The following NEO1 variants were observed in gnomAD, a reference collection of about 807,000 sequenced individuals.
NEO1 encodes the protein neogenin.
Under a neutral mutation model 159.7 loss-of-function variants are expected in NEO1, and 63 were observed. The ratio of observed to expected loss-of-function variants is 0.39; its 90% CI spans 0.32 to 0.49. The LOEUF (loss-of-function observed/expected upper bound fraction) is 0.49. Among genes scored for constraint, NEO1 ranks in the 20% least tolerant of loss-of-function variants. The pLI, the probability that NEO1 is intolerant of heterozygous loss-of-function variation, is 0.85. For missense variants in NEO1, 1,615 were observed against 1,831.0 expected (o/e 0.88, Z 2.15); for synonymous variants, 633 against 662.0 (o/e 0.96, Z 0.67).
intron 9 of NEO1, among the ~76,000 whole-genome samples, chr15:73,247,927 C>T (rs2039879838): frequency 6.6e-6 from 1 of 152,142 alleles, no homozygotes; most frequent in Admixed American, 6.5e-5. Context: ...CTTCCAGTCA[C>T]ATACATCCTA....
chr15:73,101,917 A>G (rs1038595967), intron 1 of NEO1, among the ~76,000 whole-genome samples: 2 of 151,902 alleles, frequency 1.3e-5, no homozygotes, highest in Admixed American at 6.5e-5. Flanking sequence ...TTATTTACCA[A>G]CCTATCTCTC....
chr15:73,069,329 A>G (rs1595904048), intron 1 of NEO1, among the ~76,000 whole-genome samples: 1 of 151,836 alleles, frequency 6.6e-6, no homozygotes, highest in Non-Finnish European at 1.5e-5. Context: ...GCAGTGCCAG[A>G]TTTTGGGAGC....
chr15:73,171,165 C>A (rs769777538), intron 5 of NEO1, among the ~76,000 whole-genome samples: 2 of 151,686 alleles, frequency 1.3e-5, no homozygotes, highest in Non-Finnish European at 2.9e-5. Flanking sequence ...AAATTTCAAA[C>A]AAAAGATAAA....
At chr15:73,132,896 G>A (rs544814570) in intron 4 of NEO1, among the ~76,000 whole-genome samples, 250 of 152,268 alleles carry the variant, frequency 1.6e-3, no homozygotes, top group African/African-American at 5.7e-3. Flanking sequence ...TGTTGATGTG[G>A]ATATGGTGAA....
intron 20 of NEO1, 69 bp from the exon 21 acceptor site, chr15:73,274,623 T>C (rs1455454704): frequency 3.3e-6 from 5 of 1,509,354 alleles, no homozygotes; most frequent in Non-Finnish European, 4.6e-6. Flanking sequence ...TAAAAAGTTC[T>C]GCCTGTCCCA....
intron 5 of NEO1, among the ~76,000 whole-genome samples, chr15:73,155,923 A>G (rs919437755): frequency 1.3e-5 from 2 of 152,182 alleles, no homozygotes; most frequent in Non-Finnish European, 1.5e-5. Flanking sequence ...TAAAATCAGT[A>G]TTTTTAATTC....
intron 7 of NEO1, among the ~76,000 whole-genome samples, chr15:73,208,353 A>G (rs1470916711): frequency 1.3e-5 from 2 of 152,234 alleles, no homozygotes; most frequent in African/African-American, 4.8e-5. Context: ...AAATTACAGA[A>G]TTTTGGAATT....
chr15:73,304,878 A>C lies in NEO1; in HGVS notation c.*2182A>C, dbSNP rs1225093512. 2 of 152,196 alleles carry C rather than the reference A, an allele frequency of 1.3e-5. No individual in the cohort carries two copies. Among genetic ancestry groups the C allele is most frequent in the African/African-American group, 2.4e-5 (1 of 41,450 alleles). 9.4% of individuals were successfully genotyped at this position (152,196 alleles called of 1,614,324 possible). A position where few individuals can be genotyped will look rare whatever the true frequency, so the allele number is the denominator to read the frequency against. On this transcript the variant is annotated 3_prime_UTR_variant, in exon 29 of 29. Coordinates refer to ENST00000261908, the MANE Select transcript of NEO1 (RefSeq NM_002499.4). ...GTTGGGGGTTTTTTAAAAAATTAAGAAAAAGGAAAGCTATTCTGTATTGCA... is the reference window on the plus strand; with the variant it reads ...GTTGGGGGTTTTTTAAAAAATTAAGCAAAAGGAAAGCTATTCTGTATTGCA...
intron 7 of NEO1, among the ~76,000 whole-genome samples, chr15:73,203,752 C>A (rs1185659966): frequency 1.3e-5 from 2 of 152,106 alleles, no homozygotes; most frequent in Non-Finnish European, 2.9e-5. Flanking sequence ...ATTCCCAATT[C>A]TTCCCTCCCA....
chr15:73,059,663 T>C (rs1377659233), intron 1 of NEO1, among the ~76,000 whole-genome samples: 1 of 152,210 alleles, frequency 6.6e-6, no homozygotes. Context: ...GAAAAATACA[T>C]TCTGGAATCA....
intron 22 of NEO1, among the ~76,000 whole-genome samples, chr15:73,281,079 G>A (rs1395782772): frequency 1.3e-5 from 2 of 150,924 alleles, no homozygotes; most frequent in African/African-American, 4.9e-5. Context: ...ATGGTGGCGG[G>A]CGCCTGTAGT....
intron 7 of NEO1, among the ~76,000 whole-genome samples, chr15:73,180,932 G>A (rs1456614051): frequency 6.6e-6 from 1 of 152,162 alleles, no homozygotes; most frequent in Non-Finnish European, 1.5e-5. Context: ...AAGGAATACA[G>A]TAACTTACTA....
intron 4 of NEO1, among the ~76,000 whole-genome samples, chr15:73,133,996 G>T (rs563571981): frequency 2.6e-5 from 4 of 152,158 alleles, no homozygotes; most frequent in Non-Finnish European, 5.9e-5. Context: ...GACAACTAGT[G>T]TTTCAAATTA....
chr15:73,302,742 G>A lies in NEO1; in HGVS notation c.*46G>A, dbSNP rs775487223. ...CTTCAAACCTGAGTCTGGAAGTCTT[G>A]GAACTTACCCTTGAAAACAAGGAAT... On this transcript the variant is annotated 3_prime_UTR_variant, in exon 29 of 29. Transcript: ENST00000261908. 1 of 1,530,984 alleles carries A rather than the reference G, an allele frequency of 6.5e-7. No homozygotes were observed. The highest frequency in any genetic ancestry group is 1.1e-5 in the South Asian group (1 of 87,920). The allele number at this position is 1,530,984 out of a possible 1,614,324, so 94.8% of individuals were successfully genotyped here. A position where few individuals can be genotyped will look rare whatever the true frequency, so the allele number is the denominator to read the frequency against.
chr15:73,168,712 C>G (rs541189631), intron 5 of NEO1, among the ~76,000 whole-genome samples: 1 of 152,116 alleles, frequency 6.6e-6, no homozygotes, highest in Non-Finnish European at 1.5e-5. Flanking sequence ...GAAGCCTATT[C>G]ACCTTCATTG....
intron 1 of NEO1, among the ~76,000 whole-genome samples, chr15:73,070,251 G>A (rs1259120087): frequency 6.7e-6 from 1 of 149,972 alleles, no homozygotes; most frequent in Non-Finnish European, 1.5e-5. Context: ...ATATTATAAA[G>A]TTGATATAAA....
chr15:73,295,455 C>G (rs888999657), intron 26 of NEO1, among the ~76,000 whole-genome samples: 2 of 151,376 alleles, frequency 1.3e-5, no homozygotes, highest in African/African-American at 4.9e-5. Context: ...CTCCTTCCTC[C>G]TGGGTTTGGG....
chr15:73,128,838 T>C (rs1204094083), intron 4 of NEO1, among the ~76,000 whole-genome samples: 1 of 152,196 alleles, frequency 6.6e-6, no homozygotes, highest in Non-Finnish European at 1.5e-5. Context: ...AAACATCCAA[T>C]TTTATTCAAA....
At chr15:73,179,852 T>C (rs1210548716) in intron 7 of NEO1, among the ~76,000 whole-genome samples, 2 of 134,988 alleles carry the variant, frequency 1.5e-5, no homozygotes, top group African/African-American at 5.6e-5. Flanking sequence ...TTGTTTCTTA[T>C]TAAATAATAT....
Sources: gnomAD v4.1 joint callset for allele counts (sites outside exome capture counted in the v4.1 genomes callset) on GRCh38, gnomAD v4.1.1 for gene constraint, MANE v1.5 for transcripts, NCBI Gene and HGNC (gene_info 2026-07-23, HGNC 2026-07-21) for gene names.